The following SGSM2 variants were observed in gnomAD, a reference collection of about 807,000 sequenced individuals.
The protein encoded by SGSM2 is small G protein signaling modulator 2.
In SGSM2, 89 loss-of-function variants were observed where a neutral mutation model predicts 126.6. The ratio of observed to expected loss-of-function variants is 0.70; its 90% CI spans 0.59 to 0.84. The LOEUF is 0.84. Ranked by LOEUF, SGSM2 falls within the 40% of genes least tolerant of loss-of-function variation. The probability of loss-of-function intolerance (pLI) is 0.00; values close to 1 mark genes in which losing one functional copy is unlikely to be tolerated. For missense variants in SGSM2, 1,404 were observed against 1,416.6 expected (o/e 0.99, Z 0.14); for synonymous variants, 614 against 574.3 (o/e 1.07, Z -0.99).
chr17:2,340,815 A>C (rs1049512083), intron 1 of SGSM2, among the ~76,000 whole-genome samples: 4 of 151,914 alleles, frequency 2.6e-5, no homozygotes, highest in East Asian at 1.9e-4. Context: ...CGATCTCCTG[A>C]CCTCGTGATC....
intron 21 of SGSM2, 42 bp from the exon 22 acceptor site, chr17:2,377,815 G>T (rs377474688): frequency 6.0e-6 from 8 of 1,339,860 alleles, no homozygotes; most frequent in Non-Finnish European, 8.5e-6. Context: ...AGGCAGCATC[G>T]GCTCAGGGCT....
chr17:2,372,801 G>T lies in SGSM2; in HGVS notation c.1789-152G>T, dbSNP rs569704339. On this transcript the variant is annotated intron_variant, in intron 15 of 23. Coordinates refer to ENST00000268989, the MANE Select transcript of SGSM2 (RefSeq NM_014853.3). This position sits in a 1 kb window ranked among gnomAD's most constrained non-coding sequence, Gnocchi z 6.0. ...CTCATCCCACTGTGAGCTGGGGCAC[G>T]GGAGGACGTGGCCACCCCAAAGCAG... 1 of 1,064,210 alleles carries T rather than the reference G, an allele frequency of 9.4e-7. No homozygotes were observed. Among genetic ancestry groups the T allele is most frequent in the East Asian group, 2.6e-5 (1 of 38,230 alleles). 65.9% of individuals were successfully genotyped at this position (1,064,210 alleles called of 1,614,324 possible).
intron 17 of SGSM2, 167 bp from the exon 18 acceptor site, chr17:2,375,325 G>A: frequency 1.3e-6 from 1 of 781,104 alleles, no homozygotes; most frequent in Non-Finnish European, 1.9e-6. Context: ...CGCCTGGCTG[G>A]CTGGGTCAGA....
chr17:2,348,569 C>T (rs1296330405), intron 2 of SGSM2, among the ~76,000 whole-genome samples: 1 of 152,094 alleles, frequency 6.6e-6, no homozygotes. Context: ...ATGTTCATAG[C>T]TGGGACTTTG....
chr17:2,370,651 G>C (rs947166184), intron 12 of SGSM2, among the ~76,000 whole-genome samples: 30 of 152,254 alleles, frequency 2.0e-4, no homozygotes. Context: ...GGCCATAGGA[G>C]CTGACAGCAG....
At chr17:2,373,292 G>A (rs745657106) in intron 16 of SGSM2, 39 bp from the exon 17 acceptor site, 1 of 1,592,128 alleles carries the variant, frequency 6.3e-7, no homozygotes, top group South Asian at 1.1e-5. Context: ...AGGGCCTGGT[G>A]CACGCTTCCC....
Position 2,363,472 on chromosome 17 carries a change from A to T in SGSM2, c.680A>T (p.Lys227Ile). ...PAKRPALGIR[K>I]RHSSGSASED... ...CCCCGGCCTTCCACACAGATCCGGA[A>T]ACGGCACTCAAGCGGCAGCGCGTCG... is the stretch of plus-strand genomic sequence containing the variant. Residue 227 changes from lysine to isoleucine, a missense_variant, in exon 7 of 24, where the codon AAA becomes ATA. Physicochemically the swap from Lys to Ile is moderately radical, Grantham distance 102. Transcript: ENST00000268989. The surrounding 1 kb of genome is among the most constrained non-coding windows in gnomAD (Gnocchi z 4.2). The T allele has an allele frequency of 6.2e-7, 1 of 1,613,348 alleles. No individual in the cohort carries two copies. Among genetic ancestry groups the T allele is most frequent in the Non-Finnish European group, 8.5e-7 (1 of 1,180,014 alleles).
intron 21 of SGSM2, 28 bp from the exon 22 acceptor site, chr17:2,377,829 C>G: frequency 6.8e-7 from 1 of 1,479,722 alleles, no homozygotes; most frequent in Non-Finnish European, 9.4e-7. Flanking sequence ...CAGGGCTCAG[C>G]CTCTCTCCCT....
intron 9 of SGSM2, 39 bp from the exon 10 acceptor site, chr17:2,364,858 C>T (rs530570978): frequency 5.6e-5 from 89 of 1,596,624 alleles, no homozygotes; most frequent in Non-Finnish European, 6.9e-5. Context: ...TGATAGCCGA[C>T]GAGAGGGCCT....
In SGSM2 at chr17:2,362,886, G is replaced by A. The variant is rs749640281; in HGVS notation, c.507G>A (p.Pro169=). ...TGCTGGCAGACCCTGTGTTCGGCCC[G>A]ATCCTGGCCTCTCTTCTAGGTGAGC... is the stretch of plus-strand genomic sequence containing the variant. The part of the protein sequence containing the change: ...EALLADPVFG[P]ILASLLVGPC... Residue 169 remains proline (P), a synonymous_variant, in exon 5 of 24, where the codon CCG becomes CCA. Coordinates refer to ENST00000268989, the MANE Select transcript of SGSM2 (RefSeq NM_014853.3). The surrounding 1 kb of genome is among the most constrained non-coding windows in gnomAD (Gnocchi z 4.9). The A allele has an allele frequency of 5.6e-6, 9 of 1,614,078 alleles. No individual in the cohort carries two copies. The highest frequency in any genetic ancestry group is 3.3e-5 in the South Asian group (3 of 91,088).
At chr17:2,347,169 T>TA (rs924033604) in intron 2 of SGSM2, among the ~76,000 whole-genome samples, 8 of 152,240 alleles carry the variant, frequency 5.3e-5, no homozygotes, top group African/African-American at 1.9e-4. Flanking sequence ...TCTGTGGTGC[T>TA]ATCTCAGCTC....
chr17:2,339,888 A>G (rs528708013), intron 1 of SGSM2, among the ~76,000 whole-genome samples: 1 of 152,184 alleles, frequency 6.6e-6, no homozygotes, highest in Admixed American at 6.5e-5. Context: ...AAGAGGCCCA[A>G]AAAAGGATTT....
rs1303454874 is a variant in SGSM2, at chr17:2,362,709, C to T, written c.459-129C>T. On this transcript the variant is annotated intron_variant, in intron 4 of 23. Coordinates refer to ENST00000268989, the MANE Select transcript of SGSM2 (RefSeq NM_014853.3). This position sits in a 1 kb window ranked among gnomAD's most constrained non-coding sequence, Gnocchi z 4.9. ...CCAGGCACCTCACGAAGCCCAGTCCCTAAGGACTCACTGTTTCTTGATGAC... is the reference window on the plus strand; with the variant it reads ...CCAGGCACCTCACGAAGCCCAGTCCTTAAGGACTCACTGTTTCTTGATGAC... 2.1e-6 allele frequency: 2 copies of T among 934,254 alleles called. No homozygotes were observed. The highest frequency in any genetic ancestry group is 1.5e-5 in the South Asian group (1 of 65,680). 57.9% of individuals were successfully genotyped at this position (934,254 alleles called of 1,614,324 possible).
chr17:2,352,264 C>G (rs2064887330), intron 2 of SGSM2, among the ~76,000 whole-genome samples: 1 of 152,222 alleles, frequency 6.6e-6, no homozygotes, highest in African/African-American at 2.4e-5. Context: ...AACCACTGGC[C>G]CCCAGGCAGG....
chr17:2,359,142 G>C (rs2065208032), intron 2 of SGSM2, among the ~76,000 whole-genome samples: 1 of 152,114 alleles, frequency 6.6e-6, no homozygotes. Flanking sequence ...CTCCCAAAGT[G>C]CTGGGATTAC....
intron 20 of SGSM2, 34 bp from the exon 21 acceptor site, chr17:2,376,925 C>T (rs764322656): frequency 3.7e-6 from 6 of 1,603,814 alleles, no homozygotes; most frequent in Non-Finnish European, 5.1e-6. Flanking sequence ...CCTGCGTCTC[C>T]TGCCCTGCCA....
chr17:2,367,073 GC>G lies in SGSM2; in HGVS notation c.1289-194del. On this transcript the variant is annotated intron_variant, in intron 11 of 23. Coordinates refer to ENST00000268989, the MANE Select transcript of SGSM2 (RefSeq NM_014853.3). This position sits in a 1 kb window ranked among gnomAD's most constrained non-coding sequence, Gnocchi z 4.0. ...CTCCGAAGAGTGAGGTTCTGCAGCT[GC>G]CCCAGCCCCTCGCCTCCTTCCACAC... 1.7e-6 allele frequency: 1 copy of G among 586,722 alleles called. No individual in the cohort carries two copies. The highest frequency in any genetic ancestry group is 3.0e-6 in the Non-Finnish European group (1 of 337,840). The allele number at this position is 586,722 out of a possible 1,614,324, so 36.3% of individuals were successfully genotyped here.
Position 2,378,344 on chromosome 17 carries a change from G to C in SGSM2, c.2899+391G>C, listed in dbSNP as rs1291521084. Reference sequence around the variant, plus strand: ...TAATCCCAGCACTTTGGGAGGCCAAGGCAAGCAAATCACTTGAGGTCAGGG... The same window carrying C: ...TAATCCCAGCACTTTGGGAGGCCAACGCAAGCAAATCACTTGAGGTCAGGG... On this transcript the variant is annotated intron_variant, in intron 22 of 23. Transcript: ENST00000268989. 2.0e-5 allele frequency among the ~76,000 whole-genome samples: 3 copies of C among 152,188 alleles called. No individual in the cohort carries two copies. The East Asian group carries it at 5.8e-4, about 29-fold the overall frequency.
At chr17:2,364,858 C>A in intron 9 of SGSM2, 39 bp from the exon 10 acceptor site, 2 of 1,596,624 alleles carry the variant, frequency 1.3e-6, no homozygotes, top group Non-Finnish European at 1.7e-6. Context: ...TGATAGCCGA[C>A]GAGAGGGCCT....
Sources: gnomAD v4.1 joint callset for allele counts (sites outside exome capture counted in the v4.1 genomes callset) on GRCh38, gnomAD v4.1.1 for gene constraint, Gnocchi (gnomAD v3.1) non-coding constraint, MANE v1.5 for transcripts, NCBI Gene and HGNC (gene_info 2026-07-23, HGNC 2026-07-21) for gene names.